DENND5B: variants seen among roughly 807,000 people sequenced by gnomAD.
DENND5B encodes the protein DENN domain-containing protein 5B.
DENND5B carries 34 observed loss-of-function variants against 140.6 expected under a neutral mutation model. That is an observed-to-expected ratio of 0.24 (90% CI 0.18 to 0.32). The LOEUF (loss-of-function observed/expected upper bound fraction) is 0.32, where lower values mean the gene tolerates loss of function less well. Among genes scored for constraint, DENND5B ranks in the 10% least tolerant of loss-of-function variants. The pLI is 1.00. For synonymous variants in DENND5B, 551 were observed against 562.1 expected, an observed-to-expected ratio of 0.98 and a Z score of 0.28; for missense variants, 1,142 against 1,560.2, an observed-to-expected ratio of 0.73 and a Z score of 4.52.
intron 3 of DENND5B, among the ~76,000 whole-genome samples, chr12:31,476,184 A>G (rs2682691): frequency 0.8 from 117,676 of 147,758 alleles, 46,713 homozygotes; most frequent in East Asian, 0.89. Flanking sequence ...AAGCTTTTGG[A>G]GTTTTTTTTT....
At chr12:31,448,979 C>T (rs1482898346) in intron 5 of DENND5B, among the ~76,000 whole-genome samples, 1 of 152,176 alleles carries the variant, frequency 6.6e-6, no homozygotes, top group Non-Finnish European at 1.5e-5. Flanking sequence ...TTCAGTACAT[C>T]GTAATCAGTT....
chr12:31,514,870 G>A (rs1008064803), intron 1 of DENND5B, among the ~76,000 whole-genome samples: 2 of 151,620 alleles, frequency 1.3e-5, no homozygotes, highest in South Asian at 2.1e-4. Flanking sequence ...AGTGGCTCAC[G>A]CCTGTAATCC....
chr12:31,409,015 T>C (rs1003286879), intron 14 of DENND5B, among the ~76,000 whole-genome samples: 5 of 152,240 alleles, frequency 3.3e-5, no homozygotes, highest in African/African-American at 1.2e-4. Context: ...GGATGCTGGC[T>C]GGAACTGACA....
In DENND5B at chr12:31,382,550, A is replaced by G. The variant is rs1409030610; in HGVS notation, c.*5053T>C. ...TTCACACCCTCATTTGATTGACAAC[A>G]GGAACTCCTTACTATACTTCTCTAC... On this transcript the variant is annotated 3_prime_UTR_variant, in exon 21 of 21. Transcript: ENST00000389082. 1 of 152,200 alleles carries G rather than the reference A, an allele frequency of 6.6e-6. No individual in the cohort carries two copies. Among genetic ancestry groups the G allele is most frequent in the African/African-American group, 2.4e-5 (1 of 41,466 alleles). 9.4% of individuals were successfully genotyped at this position (152,200 alleles called of 1,614,324 possible). A position where few individuals can be genotyped will look rare whatever the true frequency, so the allele number is the denominator to read the frequency against.
intron 2 of DENND5B, among the ~76,000 whole-genome samples, chr12:31,486,444 A>C (rs763901947): frequency 5.3e-5 from 8 of 152,218 alleles, no homozygotes; most frequent in Non-Finnish European, 7.3e-5. Flanking sequence ...ATTTTATTTT[A>C]GCAGGAGGAA....
At chr12:31,398,767 T>G (rs1007776379) in intron 16 of DENND5B, among the ~76,000 whole-genome samples, 1 of 151,474 alleles carries the variant, frequency 6.6e-6, no homozygotes, top group African/African-American at 2.4e-5. Context: ...TTTCTGAGAG[T>G]TATATTAATC....
At chr12:31,433,364 T>C (rs935571517) in intron 7 of DENND5B, 116 bp from the exon 8 acceptor site, 2 of 877,400 alleles carry the variant, frequency 2.3e-6, no homozygotes, top group Non-Finnish European at 3.3e-6. Context: ...AAAAAATATA[T>C]AGCAGCTTTG....
Position 31,387,698 on chromosome 12 carries a change from G to A in DENND5B, c.3730C>T (p.Arg1244Cys), listed in dbSNP as rs778218082. 24 of 1,613,936 alleles carry A rather than the reference G, an allele frequency of 1.5e-5. No individual in the cohort carries two copies. Among genetic ancestry groups the A allele is most frequent in the South Asian group, 3.3e-5 (3 of 91,082 alleles). ...MYEESALLRD[R>C]MTVNSLIRIL... is the part of the protein sequence containing the mutation. ...CGGATAAGGGAGTTGACAGTCATGC[G>A]GTCTCGCAGGAGAGCGCTCTCTTCA... The change falls in exon 21 of 21, where the codon CGC becomes TGC. Residue 1244 changes from arginine (R) to cysteine (C), a missense_variant. Coordinates refer to ENST00000389082, the MANE Select transcript of DENND5B (RefSeq NM_144973.4).
chr12:31,491,011 T>G (rs1312039536), intron 2 of DENND5B, among the ~76,000 whole-genome samples: 1 of 152,232 alleles, frequency 6.6e-6, no homozygotes, highest in African/African-American at 2.4e-5. Flanking sequence ...TAAAAGTTAT[T>G]GACCATGTTT....
intron 1 of DENND5B, among the ~76,000 whole-genome samples, chr12:31,542,418 AGAAT>A (rs1167853289): frequency 6.6e-6 from 1 of 152,228 alleles, no homozygotes; most frequent in African/African-American, 2.4e-5. Flanking sequence ...ACAAAAAAAC[AGAAT>A]GAATAAGACC....
At chr12:31,484,189 G>A (rs1385099174) in intron 2 of DENND5B, among the ~76,000 whole-genome samples, 7 of 152,110 alleles carry the variant, frequency 4.6e-5, no homozygotes, top group South Asian at 4.1e-4. Flanking sequence ...AAAATGGGTC[G>A]TAAAGCAGTG....
intron 5 of DENND5B, among the ~76,000 whole-genome samples, chr12:31,449,298 C>G (rs1201777631): frequency 1.3e-5 from 2 of 152,198 alleles, no homozygotes; most frequent in Non-Finnish European, 2.9e-5. Context: ...CACTTATTCA[C>G]TTTAAGTAGT....
At chr12:31,507,094 C>T (rs1947231558) in intron 1 of DENND5B, among the ~76,000 whole-genome samples, 1 of 152,142 alleles carries the variant, frequency 6.6e-6, no homozygotes, top group Non-Finnish European at 1.5e-5. Flanking sequence ...TCATTAGTTA[C>T]CTGATTAGCA....
intron 1 of DENND5B, among the ~76,000 whole-genome samples, chr12:31,496,629 T>TG (rs1407444993): frequency 1.1e-4 from 16 of 152,118 alleles, no homozygotes; most frequent in Non-Finnish European, 1.9e-4. Flanking sequence ...TTTGGGAGGC[T>TG]GAGGTAGGAG....
chr12:31,423,514 G>A, intron 11 of DENND5B, 83 bp downstream of exon 11: 1 of 1,387,446 alleles, frequency 7.2e-7, no homozygotes, highest in South Asian at 1.3e-5. Context: ...TAGCTTGAGA[G>A]AGAAAGAGAT....
chr12:31,511,552 T>C (rs539770104), intron 1 of DENND5B, among the ~76,000 whole-genome samples: 1,863 of 145,394 alleles, frequency 0.013, 34 homozygotes, highest in African/African-American at 0.043. Context: ...TTTTTTTTTT[T>C]AACAGAGATA....
At chr12:31,411,881 T>C (rs1942479702) in intron 13 of DENND5B, among the ~76,000 whole-genome samples, 1 of 152,250 alleles carries the variant, frequency 6.6e-6, no homozygotes, top group African/African-American at 2.4e-5. Flanking sequence ...ATTCTCTGCC[T>C]AACTTTGCTC....
At chr12:31,575,425 T>TC (rs1435623564) in intron 1 of DENND5B, among the ~76,000 whole-genome samples, 1 of 152,040 alleles carries the variant, frequency 6.6e-6, no homozygotes, top group African/African-American at 2.4e-5. Flanking sequence ...ACTACCCACT[T>TC]CCCCCTTCAA....
chr12:31,508,942 C>A (rs918972095), intron 1 of DENND5B, among the ~76,000 whole-genome samples: 2 of 152,096 alleles, frequency 1.3e-5, no homozygotes, highest in African/African-American at 2.4e-5. Flanking sequence ...GTCAAGTCAC[C>A]TTTGGGGGAG....
Sources: allele counts gnomAD v4.1 joint callset (sites outside exome capture counted in the v4.1 genomes callset), GRCh38; gene constraint gnomAD v4.1.1; transcripts MANE v1.5; gene names NCBI Gene and HGNC (gene_info 2026-07-23, HGNC 2026-07-21).